PTPRD: variants seen among roughly 807,000 people sequenced by gnomAD.
PTPRD encodes protein tyrosine phosphatase receptor type D.
Under a neutral mutation model 214.5 loss-of-function variants are expected in PTPRD, and 34 were observed. The ratio of observed to expected loss-of-function variants is 0.16; its 90% CI spans 0.12 to 0.21. The LOEUF is 0.21. Among genes scored for constraint, PTPRD ranks in the 10% least tolerant of loss-of-function variants. The pLI is 1.00. For missense variants in PTPRD, 2,545 were observed against 2,398.7 expected, an observed-to-expected ratio of 1.06 and a Z score of -1.27; for synonymous variants, 1,128 against 845.7, an observed-to-expected ratio of 1.33 and a Z score of -5.79.
chr9:8,742,770 T>C (rs1310217210), intron 11 of PTPRD, among the ~76,000 whole-genome samples: 3 of 152,238 alleles, frequency 2.0e-5, no homozygotes, highest in Non-Finnish European at 4.4e-5. Flanking sequence ...TAGTTCATTA[T>C]GATAGCTCAA....
intron 10 of PTPRD, among the ~76,000 whole-genome samples, chr9:9,077,491 T>C (rs1023086257): frequency 1.3e-5 from 2 of 152,108 alleles, no homozygotes; most frequent in African/African-American, 4.8e-5. Flanking sequence ...TAAGATGTGG[T>C]TGGTTCATCT....
intron 11 of PTPRD, among the ~76,000 whole-genome samples, chr9:8,765,340 A>G (rs2094649673): frequency 6.6e-6 from 1 of 152,208 alleles, no homozygotes; most frequent in Non-Finnish European, 1.5e-5. Flanking sequence ...TAACACTATA[A>G]GTTATATAAA....
rs138118606 is a variant in PTPRD at position 10,496,126 on chromosome 9, T to TA, written c.-600+116271dup. Among the ~76,000 whole-genome samples the TA allele has an allele frequency of 5.5e-3, 840 of 151,906 alleles. 5 individuals carry two copies. Among genetic ancestry groups the TA allele is most frequent in the African/African-American group, 0.02 (810 of 41,490 alleles). On this transcript the variant is annotated intron_variant, in intron 2 of 45. Coordinates refer to ENST00000381196, the MANE Select transcript of PTPRD (RefSeq NM_002839.4). The stretch of plus-strand genomic sequence containing the variant: ...CCATAATTTCATAATATTTTAACAT[T>TA]AAAAAACAGCCTTTGTTTAATTATT...
At chr9:8,906,893 G>T (rs979941886) in intron 11 of PTPRD, among the ~76,000 whole-genome samples, 1 of 152,024 alleles carries the variant, frequency 6.6e-6, no homozygotes, top group Non-Finnish European at 1.5e-5. Flanking sequence ...TCACACAAAG[G>T]CAGAGGAGAC....
At chr9:10,516,100 G>A (rs963837814) in intron 2 of PTPRD, among the ~76,000 whole-genome samples, 1 of 151,746 alleles carries the variant, frequency 6.6e-6, no homozygotes, top group African/African-American at 2.4e-5. Flanking sequence ...CCAAAAATAG[G>A]ATTGATGGGT....
chr9:9,035,321 C>A (rs957578489), intron 10 of PTPRD, among the ~76,000 whole-genome samples: 1 of 152,038 alleles, frequency 6.6e-6, no homozygotes, highest in East Asian at 1.9e-4. Context: ...ATATAAAGTA[C>A]CTTCTCTGTC....
At chr9:8,536,446 A>T (rs542049514) in intron 14 of PTPRD, among the ~76,000 whole-genome samples, 212 of 151,994 alleles carry the variant, frequency 1.4e-3, no homozygotes, top group African/African-American at 3.8e-3. Context: ...TACGTATATA[A>T]ATGTATATAT....
chr9:10,278,814 G>C (rs188168840), intron 3 of PTPRD, among the ~76,000 whole-genome samples: 1 of 151,318 alleles, frequency 6.6e-6, no homozygotes, highest in Non-Finnish European at 1.5e-5. Flanking sequence ...TCGCTCTGTT[G>C]CCCAGGCTGG....
At chr9:8,947,011 T>C (rs2099069130) in intron 11 of PTPRD, among the ~76,000 whole-genome samples, 1 of 107,130 alleles carries the variant, frequency 9.3e-6, no homozygotes, top group Non-Finnish European at 1.9e-5. Context: ...TCTGTCTCTC[T>C]GTATTTTTTT....
intron 10 of PTPRD, among the ~76,000 whole-genome samples, chr9:9,077,020 T>G (rs890859601): frequency 1.3e-5 from 2 of 152,138 alleles, no homozygotes; most frequent in Non-Finnish European, 2.9e-5. Context: ...GTGATCTTAT[T>G]GCAGTTTTGA....
chr9:9,249,955 G>A (rs1026118247), intron 9 of PTPRD, among the ~76,000 whole-genome samples: 1 of 152,020 alleles, frequency 6.6e-6, no homozygotes, highest in African/African-American at 2.4e-5. Flanking sequence ...GAAATTGGGA[G>A]AAAAGTGTTA....
intron 5 of PTPRD, among the ~76,000 whole-genome samples, chr9:9,872,235 G>C (rs1332199935): frequency 6.6e-6 from 1 of 152,088 alleles, no homozygotes; most frequent in Non-Finnish European, 1.5e-5. Context: ...CAGCCAGCTT[G>C]CAAATTGAAT....
Position 9,757,912 on chromosome 9 carries a change from G to A in PTPRD, c.-326+8898C>T, listed in dbSNP as rs113649853. Among the ~76,000 whole-genome samples, 98 of 152,000 alleles carry A rather than the reference G, an allele frequency of 6.4e-4. 1 individual carries two copies. Among genetic ancestry groups the A allele is most frequent in the African/African-American group, 2.2e-3 (93 of 41,420 alleles). On this transcript the variant is annotated intron_variant, in intron 6 of 45. Transcript: ENST00000381196. ...CTTCTTTGCACATTGTGGAGCCCAA[G>A]TGAAGCCATTTCCTGGGGGGTTCCT... is the stretch of plus-strand genomic sequence containing the variant.
At chr9:9,196,603 T>G (rs1022266053) in intron 9 of PTPRD, among the ~76,000 whole-genome samples, 1 of 152,228 alleles carries the variant, frequency 6.6e-6, no homozygotes. Flanking sequence ...TTCTAAGTCT[T>G]ATTATCCTTA....
intron 10 of PTPRD, among the ~76,000 whole-genome samples, chr9:9,060,190 T>C (rs1358232582): frequency 6.6e-6 from 1 of 152,206 alleles, no homozygotes; most frequent in African/African-American, 2.4e-5. Flanking sequence ...AAACTGACAT[T>C]GGTTTACGCA....
intron 6 of PTPRD, among the ~76,000 whole-genome samples, chr9:9,754,946 G>C (rs1421450047): frequency 6.6e-6 from 1 of 151,982 alleles, no homozygotes; most frequent in Non-Finnish European, 1.5e-5. Flanking sequence ...AAGCAGGTTA[G>C]ACTTTAAGGA....
At chr9:9,552,139 A>G (rs1329555755) in intron 8 of PTPRD, among the ~76,000 whole-genome samples, 1 of 151,986 alleles carries the variant, frequency 6.6e-6, no homozygotes, top group Non-Finnish European at 1.5e-5. Context: ...TTAGTATCTC[A>G]CTTTTACCAA....
intron 2 of PTPRD, among the ~76,000 whole-genome samples, chr9:10,540,429 T>C (rs1421961249): frequency 2.0e-5 from 3 of 152,210 alleles, no homozygotes. Context: ...GCCTACCATC[T>C]TTCTGAATCT....
chr9:9,054,825 A>G (rs1360289407), intron 10 of PTPRD, among the ~76,000 whole-genome samples: 1 of 152,150 alleles, frequency 6.6e-6, no homozygotes, highest in African/African-American at 2.4e-5. Flanking sequence ...AGAGAAAACA[A>G]ATGATTTCAA....
Sources: gnomAD v4.1 joint callset for allele counts (sites outside exome capture counted in the v4.1 genomes callset) on GRCh38, gnomAD v4.1.1 for gene constraint, MANE v1.5 for transcripts, NCBI Gene and HGNC (gene_info 2026-07-23, HGNC 2026-07-21) for gene names.